Variants in EDAR observed in about 807,000 individuals in gnomAD.
EDAR encodes the protein ectodysplasin A receptor.
EDAR carries 38 observed loss-of-function variants against 51.3 expected under a neutral mutation model. The ratio of observed to expected loss-of-function variants is 0.74; its 90% CI spans 0.57 to 0.97. The LOEUF (loss-of-function observed/expected upper bound fraction) is 0.97. Among genes scored for constraint, EDAR ranks in the 50% least tolerant of loss-of-function variants. The pLI is 0.00. For missense variants in EDAR, 528 were observed against 595.0 expected (o/e 0.89, Z 1.17); for synonymous variants, 227 against 242.1 (o/e 0.94, Z 0.58).
intron 10 of EDAR, among the ~76,000 whole-genome samples, chr2:108,906,751 C>T (rs1020212811): frequency 1.2e-4 from 18 of 152,248 alleles, no homozygotes; most frequent in Non-Finnish European, 2.6e-4. Flanking sequence ...TGCCAGGAGA[C>T]CAGGCCCACG....
At chr2:108,898,568 CAA>C (rs1696642766) in intron 11 of EDAR, among the ~76,000 whole-genome samples, 1 of 152,040 alleles carries the variant, frequency 6.6e-6, no homozygotes, top group African/African-American at 2.4e-5. Context: ...TACCAAGAAC[CAA>C]GAAGATGTCA....
chr2:108,930,000 C>T lies in EDAR; in HGVS notation c.174+120G>A, dbSNP rs187113772. 74 of 1,263,730 alleles carry T rather than the reference C, an allele frequency of 5.9e-5. No homozygotes were observed. The East Asian group carries it at 1.8e-3, about 30-fold the overall frequency. 78.3% of individuals were successfully genotyped at this position (1,263,730 alleles called of 1,614,324 possible). On this transcript the variant is annotated intron_variant, in intron 3 of 11. Transcript: ENST00000258443. ...AATCTCAACGTCCAGGGAGCGTGAC[C>T]GGCTGGTTTGATATACCCTGGCATC...
chr2:108,916,705 G>A (rs901235193), intron 5 of EDAR, among the ~76,000 whole-genome samples: 7 of 152,146 alleles, frequency 4.6e-5, no homozygotes, highest in African/African-American at 1.4e-4. Flanking sequence ...GTGCGCAGCC[G>A]AGGAGGTGGG....
At chr2:108,920,689 A>G (rs1697119095) in intron 5 of EDAR, among the ~76,000 whole-genome samples, 1 of 152,136 alleles carries the variant, frequency 6.6e-6, no homozygotes, top group African/African-American at 2.4e-5. Context: ...TTACTTGGCA[A>G]CCCCAGAAAC....
intron 1 of EDAR, among the ~76,000 whole-genome samples, chr2:108,966,683 G>T (rs1464682412): frequency 6.6e-6 from 1 of 152,238 alleles, no homozygotes; most frequent in Non-Finnish European, 1.5e-5. Context: ...GAGAAAATGA[G>T]CTTCAGCTGT....
At chr2:108,946,130 C>T (rs899126381) in intron 1 of EDAR, among the ~76,000 whole-genome samples, 1 of 152,190 alleles carries the variant, frequency 6.6e-6, no homozygotes, top group Admixed American at 6.5e-5. Flanking sequence ...TCCTGGCAGT[C>T]GTCCACACCC....
chr2:108,982,902 C>T (rs1000735408), intron 1 of EDAR, among the ~76,000 whole-genome samples: 5 of 152,214 alleles, frequency 3.3e-5, no homozygotes, highest in Admixed American at 1.3e-4. Flanking sequence ...CCAGACAGGC[C>T]AGGTGCCTGC....
At chr2:108,905,248 G>A (rs151049872) in intron 11 of EDAR, among the ~76,000 whole-genome samples, 46 of 152,176 alleles carry the variant, frequency 3.0e-4, no homozygotes, top group African/African-American at 9.9e-4. Context: ...CTGTCCCAGG[G>A]GTGTGAACTC....
chr2:108,958,409 G>C (rs1558832508), intron 1 of EDAR, among the ~76,000 whole-genome samples: 1 of 145,718 alleles, frequency 6.9e-6, no homozygotes, highest in Non-Finnish European at 1.5e-5. Context: ...CCTTCAGCAG[G>C]AAAAAAAAAA....
chr2:108,937,506 T>C lies in EDAR; in HGVS notation c.-18-6474A>G, dbSNP rs552777036. Among the ~76,000 whole-genome samples, 3 of 152,236 alleles carry C rather than the reference T, an allele frequency of 2.0e-5. No individual in the cohort carries two copies. The East Asian group carries it at 5.8e-4, about 29-fold the overall frequency. On this transcript the variant is annotated intron_variant, in intron 1 of 11. Coordinates refer to ENST00000258443, the MANE Select transcript of EDAR (RefSeq NM_022336.4). ...ATAAGAGTATGTGTATGTGTATGAA[T>C]GTATGCATGTGTAAGTGTAGGTGAG...
chr2:108,927,398 C>A (rs1285399984), intron 4 of EDAR, among the ~76,000 whole-genome samples: 7 of 152,224 alleles, frequency 4.6e-5, no homozygotes, highest in Admixed American at 2.6e-4. Flanking sequence ...CGCCTGAATT[C>A]TTCTAGAGGC....
chr2:108,898,165 A>T (rs1696635179), intron 11 of EDAR, among the ~76,000 whole-genome samples: 1 of 152,172 alleles, frequency 6.6e-6, no homozygotes, highest in African/African-American at 2.4e-5. Context: ...TCCCCACTCT[A>T]TCCAGGGTAG....
At chr2:108,963,718 T>G (rs1698096969) in intron 1 of EDAR, among the ~76,000 whole-genome samples, 1 of 152,216 alleles carries the variant, frequency 6.6e-6, no homozygotes, top group East Asian at 1.9e-4. Context: ...TGCGGCCAAT[T>G]CTGGGCAATT....
chr2:108,957,083 C>A lies in EDAR; in HGVS notation c.-18-26051G>T, dbSNP rs541575991. 3.9e-5 allele frequency among the ~76,000 whole-genome samples: 6 copies of A among 152,378 alleles called. 1 individual carries two copies. In the East Asian group the frequency reaches 1.2e-3, roughly 29 times the overall value. ...GGAATTACAGGCGTGAGCCGCCACG[C>A]CCAGCCAAGGCAAAGGCTGTGTAAC... On this transcript the variant is annotated intron_variant, in intron 1 of 11. Coordinates refer to ENST00000258443, the MANE Select transcript of EDAR (RefSeq NM_022336.4).
intron 1 of EDAR, among the ~76,000 whole-genome samples, chr2:108,966,879 G>A (rs1698158238): frequency 6.6e-6 from 1 of 152,220 alleles, no homozygotes; most frequent in Admixed American, 6.5e-5. Flanking sequence ...GTGAAAGGGA[G>A]ACAGAGAGGG....
Position 108,897,058 on chromosome 2 carries a change from T to C in EDAR, c.1196A>G (p.Asp399Gly). The C allele has an allele frequency of 6.2e-7, 1 of 1,614,174 alleles. No homozygotes were observed. The highest frequency in any genetic ancestry group is 2.2e-5 in the East Asian group (1 of 44,876). The stretch of plus-strand genomic sequence containing the variant: ...GCTGTAGCCTGCCGTGCTGATGCGG[T>C]CAAAGAGTTGCATGCCGTCTGTCAT... ...GGMTDGMQLF[D>G]RISTAGYSIP... is the part of the protein sequence containing the mutation. Residue 399 changes from aspartate to glycine, a missense_variant, in exon 12 of 12, where the codon GAC becomes GGC. Physicochemically the swap from Asp to Gly is moderately conservative, Grantham distance 94. Coordinates refer to ENST00000258443, the MANE Select transcript of EDAR (RefSeq NM_022336.4).
At chr2:108,956,693 G>A (rs1282512772) in intron 1 of EDAR, among the ~76,000 whole-genome samples, 2 of 152,102 alleles carry the variant, frequency 1.3e-5, no homozygotes, top group South Asian at 2.1e-4. Context: ...AAATATTTGG[G>A]TTATGATTCA....
chr2:108,937,369 TGTGAGTGTGTGCATACAC>T (rs1490014834), intron 1 of EDAR, among the ~76,000 whole-genome samples: 2 of 152,066 alleles, frequency 1.3e-5, no homozygotes, highest in Non-Finnish European at 2.9e-5. Context: ...AACATATGGG[TGTGAGTGTGTGCATACAC>T]GTGAGTGTAT....
intron 11 of EDAR, among the ~76,000 whole-genome samples, chr2:108,901,634 T>C (rs1696700269): frequency 6.6e-6 from 1 of 152,154 alleles, no homozygotes; most frequent in Admixed American, 6.5e-5. Flanking sequence ...ATACACACCA[T>C]AGATATCAAA....
Sources: allele counts gnomAD v4.1 joint callset (sites outside exome capture counted in the v4.1 genomes callset), GRCh38; gene constraint gnomAD v4.1.1; transcripts MANE v1.5; gene names NCBI Gene and HGNC (gene_info 2026-07-23, HGNC 2026-07-21).